The following MLLT10 variants were observed in gnomAD, a reference collection of about 807,000 sequenced individuals.
The protein encoded by MLLT10 is MLLT10 histone lysine methyltransferase DOT1L cofactor.
A neutral mutation model predicts 129.1 loss-of-function variants in MLLT10; 30 were observed. The observed-to-expected ratio is 0.23, with a 90% CI of 0.17 to 0.32. MLLT10 has a LOEUF of 0.32. MLLT10 is among the 10% of genes least tolerant of loss of function. The probability of loss-of-function intolerance (pLI) is 1.00; values close to 1 mark genes in which losing one functional copy is unlikely to be tolerated. For synonymous variants in MLLT10, 490 were observed against 446.4 expected, an observed-to-expected ratio of 1.10 and a Z score of -1.23; for missense variants, 1,119 against 1,268.3, an observed-to-expected ratio of 0.88 and a Z score of 1.79.
At chr10:21,596,733 A>G (rs2043048447) in intron 5 of MLLT10, among the ~76,000 whole-genome samples, 1 of 151,682 alleles carries the variant, frequency 6.6e-6, no homozygotes, top group African/African-American at 2.4e-5. Flanking sequence ...ATGTATGTTA[A>G]TTGACCTTCC....
chr10:21,723,482 C>T lies in MLLT10; in HGVS notation c.1879-2762C>T, dbSNP rs566438623. On this transcript the variant is annotated intron_variant, in intron 14 of 22. Transcript: ENST00000307729. The stretch of plus-strand genomic sequence containing the variant: ...TATTCCAAGTGATATATTGATATGT[C>T]ACATAGATGACTGCATGAACGAGAG... Among the ~76,000 whole-genome samples, 33 of 152,334 alleles carry T rather than the reference C, an allele frequency of 2.2e-4. 1 individual carries two copies. Among genetic ancestry groups the T allele is most frequent in the Admixed American group, 1.8e-3 (27 of 15,302 alleles).
chr10:21,706,596 ATT>A (rs1352110718), intron 13 of MLLT10, among the ~76,000 whole-genome samples: 1 of 152,228 alleles, frequency 6.6e-6, no homozygotes, highest in Non-Finnish European at 1.5e-5. Flanking sequence ...TCTGAAGACT[ATT>A]CCATTCACAG....
intron 4 of MLLT10, among the ~76,000 whole-genome samples, chr10:21,593,758 C>T (rs2042732880): frequency 6.6e-6 from 1 of 151,420 alleles, no homozygotes; most frequent in South Asian, 2.1e-4. Flanking sequence ...GAAACATGGT[C>T]TCTACTAAAA....
chr10:21,635,723 TTTG>T (rs1298225626), intron 8 of MLLT10, among the ~76,000 whole-genome samples: 5 of 151,724 alleles, frequency 3.3e-5, no homozygotes, highest in Admixed American at 1.3e-4. Flanking sequence ...CTTGCTGTTT[TTTG>T]TTGTTGTTTT....
chr10:21,540,259 C>T (rs776396303), intron 3 of MLLT10, among the ~76,000 whole-genome samples: 39 of 151,952 alleles, frequency 2.6e-4, no homozygotes, highest in East Asian at 7.7e-4. Flanking sequence ...GATGTGGCAG[C>T]GCGTGCCTAT....
intron 22 of MLLT10, 81 bp downstream of exon 22, chr10:21,740,317 T>G: frequency 6.8e-7 from 1 of 1,475,604 alleles, no homozygotes; most frequent in Non-Finnish European, 9.3e-7. Flanking sequence ...CAGCCTGGTT[T>G]TGTTCCCCTG....
At chr10:21,656,945 G>A (rs1409799285) in intron 9 of MLLT10, among the ~76,000 whole-genome samples, 1 of 152,210 alleles carries the variant, frequency 6.6e-6, no homozygotes, top group East Asian at 1.9e-4. Flanking sequence ...AGAACTTGAT[G>A]TACGGAGTCC....
intron 3 of MLLT10, chr10:21,557,126 C>G: frequency 7.2e-7 from 1 of 1,385,204 alleles, no homozygotes; most frequent in African/African-American, 1.4e-5. Flanking sequence ...GCCCTTTTGT[C>G]TTTTCCTCTT....
At chr10:21,581,497 T>A (rs2131074977) in intron 3 of MLLT10, among the ~76,000 whole-genome samples, 1 of 152,318 alleles carries the variant, frequency 6.6e-6, no homozygotes, top group South Asian at 2.1e-4. Flanking sequence ...TGAGTGAATG[T>A]GAAAGCCTGG....
chr10:21,596,648 A>C (rs34719019), intron 5 of MLLT10, among the ~76,000 whole-genome samples: 3 of 151,864 alleles, frequency 2.0e-5, no homozygotes, highest in Non-Finnish European at 4.4e-5. Flanking sequence ...AAAAAAAAAA[A>C]ATATTAAAAT....
intron 13 of MLLT10, among the ~76,000 whole-genome samples, chr10:21,711,524 A>G (rs1359150783): frequency 6.7e-6 from 1 of 150,374 alleles, no homozygotes; most frequent in Non-Finnish European, 1.5e-5. Flanking sequence ...GGAGTTTGAA[A>G]TCAGCCTGTC....
chr10:21,618,556 A>G (rs754732534), intron 8 of MLLT10, among the ~76,000 whole-genome samples: 4 of 152,136 alleles, frequency 2.6e-5, no homozygotes, highest in Non-Finnish European at 5.9e-5. Context: ...CAAGGTAAAC[A>G]TTGTAGAAAC....
At chr10:21,556,817 G>C (rs761495062) in intron 3 of MLLT10, 25 of 1,563,772 alleles carry the variant, frequency 1.6e-5, no homozygotes, top group Middle Eastern at 1.7e-4. Flanking sequence ...AGCTTTCTTC[G>C]GTCCTCAGTC....
At chr10:21,639,868 G>A (rs1310843979) in intron 8 of MLLT10, among the ~76,000 whole-genome samples, 1 of 151,956 alleles carries the variant, frequency 6.6e-6, no homozygotes, top group Non-Finnish European at 1.5e-5. Context: ...AGTAGGGGAA[G>A]TTTAGAGCAT....
Position 21,617,173 on chromosome 10 carries a change from ACT to A in MLLT10, c.669_670del (p.Gln224GlyfsTer2). 6.5e-7 allele frequency: 1 copy of A among 1,541,026 alleles called. No homozygotes were observed. ...CAAAGTTTAAGTGATTCTTCCTCTC[ACT>A]CTCAGGATAAACATCATGAGAAAGA... On this transcript the variant is annotated frameshift_variant, in exon 8 of 23. Transcript: ENST00000307729. LOFTEE classifies it high-confidence loss of function.
At chr10:21,640,537 G>A (rs1295086530) in intron 8 of MLLT10, among the ~76,000 whole-genome samples, 3 of 151,896 alleles carry the variant, frequency 2.0e-5, no homozygotes. Flanking sequence ...CCCAAGCCCA[G>A]TTCCCATAGG....
chr10:21,683,738 G>A (rs1273275603), intron 13 of MLLT10, among the ~76,000 whole-genome samples: 1 of 151,118 alleles, frequency 6.6e-6, no homozygotes, highest in African/African-American at 2.4e-5. Context: ...GAAATTTTTT[G>A]TGTTTGGGGT....
At chr10:21,598,845 A>G (rs1201537429) in intron 5 of MLLT10, among the ~76,000 whole-genome samples, 2 of 151,432 alleles carry the variant, frequency 1.3e-5, no homozygotes, top group East Asian at 3.9e-4. Context: ...AGATCACACC[A>G]CTTCACTCCA....
chr10:21,614,656 T>C (rs765910157), intron 6 of MLLT10, among the ~76,000 whole-genome samples, 175 bp from the exon 7 acceptor site: 2 of 152,162 alleles, frequency 1.3e-5, no homozygotes, highest in Non-Finnish European at 2.9e-5. Context: ...CAGTTGCAGG[T>C]TGGGGTGAAA....
Sources: allele counts gnomAD v4.1 joint callset (sites outside exome capture counted in the v4.1 genomes callset), GRCh38; gene constraint gnomAD v4.1.1; transcripts MANE v1.5; gene names NCBI Gene and HGNC (gene_info 2026-07-23, HGNC 2026-07-21).